The following DEPTOR variants were observed in gnomAD, a reference collection of about 807,000 sequenced individuals.
The protein encoded by DEPTOR is DEP domain-containing mTOR-interacting protein.
In DEPTOR, 41 loss-of-function variants were observed where a neutral mutation model predicts 41.6. The observed-to-expected ratio is 0.98, with a 90% confidence interval of 0.77 to 1.28. The LOEUF (loss-of-function observed/expected upper bound fraction) is 1.28, where lower values mean the gene tolerates loss of function less well. Among genes scored for constraint, DEPTOR ranks in the 50% most tolerant of loss-of-function variants. The probability of loss-of-function intolerance (pLI) is 0.00; values close to 1 mark genes in which losing one functional copy is unlikely to be tolerated. For synonymous variants in DEPTOR, 195 were observed against 192.3 expected (o/e 1.01, Z -0.12); for missense variants, 514 against 527.9 (o/e 0.97, Z 0.26).
chr8:120,015,602 C>A (rs1040962302), intron 8 of DEPTOR, among the ~76,000 whole-genome samples: 1 of 152,010 alleles, frequency 6.6e-6, no homozygotes, highest in Non-Finnish European at 1.5e-5. Context: ...TTGGAAAAAA[C>A]GACATGGACA....
intron 8 of DEPTOR, among the ~76,000 whole-genome samples, chr8:120,028,750 AC>A (rs1228950500): frequency 1.3e-5 from 2 of 151,490 alleles, no homozygotes; most frequent in Admixed American, 6.6e-5. Flanking sequence ...GGCATGAACC[AC>A]CATGCCCAGC....
intron 4 of DEPTOR, among the ~76,000 whole-genome samples, chr8:119,975,518 A>G (rs1828686121): frequency 6.6e-6 from 1 of 152,188 alleles, no homozygotes; most frequent in African/African-American, 2.4e-5. Context: ...ATGGAAAATT[A>G]CTAAATAGGA....
chr8:119,900,637 G>A (rs1827578599), intron 1 of DEPTOR, among the ~76,000 whole-genome samples: 1 of 151,760 alleles, frequency 6.6e-6, no homozygotes, highest in Admixed American at 6.6e-5. Flanking sequence ...GATCCTCCTG[G>A]CTCAGCCTCT....
intron 1 of DEPTOR, among the ~76,000 whole-genome samples, chr8:119,919,094 T>C (rs1038836835): frequency 2.0e-5 from 3 of 152,182 alleles, no homozygotes; most frequent in African/African-American, 7.2e-5. Context: ...TGTTTTGTTC[T>C]GATCAGGTTG....
At chr8:119,923,520 G>A (rs1426449599) in intron 1 of DEPTOR, among the ~76,000 whole-genome samples, 2 of 152,140 alleles carry the variant, frequency 1.3e-5, no homozygotes, top group Non-Finnish European at 2.9e-5. Flanking sequence ...GAGATTATAC[G>A]TGTGAGCCAC....
At chr8:119,897,002 T>C (rs758163434) in intron 1 of DEPTOR, among the ~76,000 whole-genome samples, 2 of 152,160 alleles carry the variant, frequency 1.3e-5, no homozygotes, top group Non-Finnish European at 1.5e-5. Flanking sequence ...GTACGCCTAA[T>C]TACCAGACAA....
At chr8:119,911,688 T>C (rs1340176408) in intron 1 of DEPTOR, among the ~76,000 whole-genome samples, 4 of 152,212 alleles carry the variant, frequency 2.6e-5, no homozygotes, top group African/African-American at 9.7e-5. Flanking sequence ...ACATTTCTTA[T>C]CCAGTGGAAC....
intron 1 of DEPTOR, among the ~76,000 whole-genome samples, chr8:119,882,048 G>A (rs755961407): frequency 6.6e-5 from 10 of 151,998 alleles, no homozygotes; most frequent in African/African-American, 9.7e-5. Flanking sequence ...GCGCCACCAC[G>A]CCCGGCTAAT....
intron 3 of DEPTOR, among the ~76,000 whole-genome samples, chr8:119,957,832 G>A (rs1026183193): frequency 6.6e-6 from 1 of 151,848 alleles, no homozygotes; most frequent in Non-Finnish European, 1.5e-5. Flanking sequence ...CAAGTGATTC[G>A]CCCACCTTGG....
chr8:119,922,774 G>A (rs1827913354), intron 1 of DEPTOR, among the ~76,000 whole-genome samples: 1 of 152,210 alleles, frequency 6.6e-6, no homozygotes, highest in African/African-American at 2.4e-5. Flanking sequence ...GGCAGCACCA[G>A]GGTGAGAACC....
intron 8 of DEPTOR, among the ~76,000 whole-genome samples, chr8:120,039,938 G>A (rs961427361): frequency 2.6e-5 from 4 of 152,012 alleles, no homozygotes; most frequent in African/African-American, 7.3e-5. Context: ...TCTGCCTCTC[G>A]GTTCAAGCAA....
chr8:119,875,297 TG>T (rs1827217823), intron 1 of DEPTOR, among the ~76,000 whole-genome samples: 1 of 151,864 alleles, frequency 6.6e-6, no homozygotes, highest in African/African-American at 2.4e-5. Flanking sequence ...CAAAGGGAGA[TG>T]GGGAAGGGGT....
At chr8:119,961,780 A>G (rs1449689804) in intron 3 of DEPTOR, among the ~76,000 whole-genome samples, 1 of 152,180 alleles carries the variant, frequency 6.6e-6, no homozygotes, top group African/African-American at 2.4e-5. Context: ...CTAGAATGAA[A>G]TAGTTCAATT....
chr8:120,006,774 C>A, intron 6 of DEPTOR, 31 bp from the exon 7 acceptor site: 1 of 1,606,294 alleles, frequency 6.2e-7, no homozygotes, highest in Non-Finnish European at 8.5e-7. Context: ...CTTGGAAGTG[C>A]TTATGTCTTG....
At chr8:119,974,108 G>C (rs1349137832) in intron 4 of DEPTOR, among the ~76,000 whole-genome samples, 1 of 151,408 alleles carries the variant, frequency 6.6e-6, no homozygotes, top group African/African-American at 2.4e-5. Flanking sequence ...GGAAGGAAAA[G>C]AAGGTACTAA....
intron 8 of DEPTOR, among the ~76,000 whole-genome samples, chr8:120,016,409 C>CT (rs1476146632): frequency 1.3e-5 from 2 of 151,966 alleles, no homozygotes; most frequent in East Asian, 1.9e-4. Context: ...AGTGATTCTC[C>CT]TGCCTCAGCC....
chr8:119,965,546 C>T (rs1470695659), intron 4 of DEPTOR, 136 bp downstream of exon 4: 2 of 1,144,282 alleles, frequency 1.7e-6, no homozygotes, highest in Non-Finnish European at 1.2e-6. Flanking sequence ...AGCTTGTCTC[C>T]AAGTTGGGGG....
intron 8 of DEPTOR, among the ~76,000 whole-genome samples, chr8:120,031,407 G>A (rs1231068892): frequency 6.6e-6 from 1 of 152,156 alleles, no homozygotes; most frequent in African/African-American, 2.4e-5. Context: ...GGAGGTTGCA[G>A]TGACCCAAGA....
intron 8 of DEPTOR, among the ~76,000 whole-genome samples, chr8:120,010,058 A>G (rs1351292713): frequency 1.3e-5 from 2 of 152,134 alleles, no homozygotes; most frequent in Non-Finnish European, 2.9e-5. Flanking sequence ...GAAAACAAAA[A>G]CCATGAACTT....
Sources: allele counts gnomAD v4.1 joint callset (sites outside exome capture counted in the v4.1 genomes callset), GRCh38; gene constraint gnomAD v4.1.1; transcripts MANE v1.5; gene names NCBI Gene and HGNC (gene_info 2026-07-23, HGNC 2026-07-21).